GPHN: variants seen among roughly 807,000 people sequenced by gnomAD.
GPHN encodes the protein gephyrin.
A neutral mutation model predicts 95.5 loss-of-function variants in GPHN; 17 were observed. That is an observed-to-expected ratio of 0.18 (90% CI 0.12 to 0.27). GPHN has a LOEUF of 0.27. Among genes scored for constraint, GPHN ranks in the 10% least tolerant of loss-of-function variants. GPHN has a pLI of 1.00. For missense variants in GPHN, 660 were observed against 978.1 expected, an observed-to-expected ratio of 0.67 and a Z score of 4.34; for synonymous variants, 320 against 322.5, an observed-to-expected ratio of 0.99 and a Z score of 0.08.
At chr14:66,671,354 G>T (rs749556585) in intron 1 of GPHN, among the ~76,000 whole-genome samples, 2 of 152,154 alleles carry the variant, frequency 1.3e-5, no homozygotes, top group Non-Finnish European at 2.9e-5. Context: ...TTTGCATGAG[G>T]TCAAAAATAT....
chr14:67,651,494 G>A, the GPHN span: 1 of 1,613,034 alleles, frequency 6.2e-7, no homozygotes, highest in Non-Finnish European at 8.5e-7. Flanking sequence ...ACAAAGAGAA[G>A]CAAAGTGGGG....
intron 1 of GPHN, among the ~76,000 whole-genome samples, chr14:66,674,856 A>G (rs1365654092): frequency 6.6e-6 from 1 of 152,244 alleles, no homozygotes; most frequent in Non-Finnish European, 1.5e-5. Flanking sequence ...TTGCTGGATC[A>G]GATGGTAATT....
the GPHN span, chr14:67,692,791 T>C: frequency 1.2e-6 from 1 of 869,348 alleles, no homozygotes; most frequent in Non-Finnish European, 1.8e-6. Context: ...TAGAGCATAG[T>C]ACTAGTTTCA....
intron 4 of GPHN, among the ~76,000 whole-genome samples, chr14:66,868,456 C>T (rs546788925): frequency 9.2e-5 from 14 of 152,102 alleles, no homozygotes; most frequent in Admixed American, 2.6e-4. Context: ...TTCAATGGCA[C>T]GATTTCGGCT....
the GPHN span, chr14:67,559,543 C>T: frequency 1.7e-6 from 2 of 1,169,858 alleles, no homozygotes; most frequent in African/African-American, 1.5e-5. Context: ...TGGGGTTTCC[C>T]ACCTCCAGTC....
At chr14:67,203,738 A>C in the GPHN span, among the ~76,000 whole-genome samples, 5 of 152,196 alleles carry the variant, frequency 3.3e-5, no homozygotes, top group African/African-American at 1.2e-4. Flanking sequence ...TTTGAGATGG[A>C]GTCTTGCACT....
intron 10 of GPHN, among the ~76,000 whole-genome samples, chr14:67,057,355 C>CT (rs766522137): frequency 6.7e-6 from 1 of 149,370 alleles, no homozygotes; most frequent in Non-Finnish European, 1.5e-5. Context: ...AAACCAAACA[C>CT]TGCATGTTCT....
At chr14:67,018,106 T>A (rs1283783755) in intron 9 of GPHN, among the ~76,000 whole-genome samples, 1 of 152,118 alleles carries the variant, frequency 6.6e-6, no homozygotes, top group Non-Finnish European at 1.5e-5. Context: ...TATGAGTAAC[T>A]ATTAACTCCT....
At chr14:66,610,491 T>A (rs1369634570) in intron 1 of GPHN, among the ~76,000 whole-genome samples, 1 of 152,106 alleles carries the variant, frequency 6.6e-6, no homozygotes, top group Non-Finnish European at 1.5e-5. Flanking sequence ...ACTTGATATT[T>A]TGGTCTCTCT....
chr14:67,569,718 T>C, the GPHN span: 3 of 594,566 alleles, frequency 5.0e-6, no homozygotes, highest in Admixed American at 8.9e-5. Context: ...TTGGATTCTT[T>C]TGTGAGGGAT....
the GPHN span, chr14:67,579,587 C>A: frequency 1.1e-6 from 1 of 882,642 alleles, no homozygotes; most frequent in Non-Finnish European, 1.7e-6. Context: ...CCTGTGAACA[C>A]AGAAACCAAC....
At chr14:66,986,819 A>G (rs2071055428) in intron 9 of GPHN, among the ~76,000 whole-genome samples, 1 of 152,108 alleles carries the variant, frequency 6.6e-6, no homozygotes, top group South Asian at 2.1e-4. Context: ...TTTCCATTTT[A>G]CAATTTATGA....
the GPHN span, among the ~76,000 whole-genome samples, chr14:67,572,778 G>A: frequency 2.0e-5 from 3 of 152,028 alleles, no homozygotes; most frequent in Admixed American, 6.6e-5. Flanking sequence ...CGCATCCCTC[G>A]CCCCACACCT....
chr14:67,610,276 TG>T, the GPHN span, among the ~76,000 whole-genome samples: 116 of 152,296 alleles, frequency 7.6e-4, 5 homozygotes, highest in East Asian at 0.022. Flanking sequence ...TGGGGGTTTT[TG>T]TTGTTTTTTG....
the GPHN span, among the ~76,000 whole-genome samples, chr14:67,369,046 T>G: frequency 6.6e-6 from 1 of 152,248 alleles, no homozygotes; most frequent in Non-Finnish European, 1.5e-5. Flanking sequence ...TGAATTCATT[T>G]ATATCAGTAA....
At chr14:67,248,547 C>T in the GPHN span, among the ~76,000 whole-genome samples, 4 of 152,072 alleles carry the variant, frequency 2.6e-5, no homozygotes, top group Non-Finnish European at 4.4e-5. Context: ...TTTATAGTTT[C>T]TTCTTCAGTT....
intron 5 of GPHN, among the ~76,000 whole-genome samples, chr14:66,909,382 T>C (rs1040209659): frequency 1.3e-5 from 2 of 151,876 alleles, no homozygotes; most frequent in African/African-American, 4.8e-5. Context: ...AAAGGGAAAA[T>C]GTAGGTGAAT....
intron 17 of GPHN, among the ~76,000 whole-genome samples, chr14:67,128,889 A>G (rs2079511583): frequency 6.7e-6 from 1 of 150,370 alleles, no homozygotes; most frequent in Non-Finnish European, 1.5e-5. Flanking sequence ...ATCTCAGCTC[A>G]CTGAAACTTC....
rs151141319 is a variant in GPHN at position 66,863,355 on chromosome 14, G to T, written c.295-16584G>T. ...AACTGGAAAGTTATTCCATGTTCAT[G>T]GGTTGGAAAAATTAATATTGTTAAA... On this transcript the variant is annotated intron_variant, in intron 4 of 22. Transcript: ENST00000478722. 3.0e-3 allele frequency among the ~76,000 whole-genome samples: 457 copies of T among 151,158 alleles called. 3 individuals carry two copies. Among genetic ancestry groups the T allele is most frequent in the African/African-American group, 0.011 (439 of 41,122 alleles).
Sources: allele counts gnomAD v4.1 joint callset (sites outside exome capture counted in the v4.1 genomes callset), GRCh38; gene constraint gnomAD v4.1.1; transcripts MANE v1.5; gene names NCBI Gene and HGNC (gene_info 2026-07-23, HGNC 2026-07-21).